The following CMTM4 variants were observed in gnomAD, a reference collection of about 807,000 sequenced individuals.
CMTM4 encodes the protein CKLF like MARVEL transmembrane domain containing 4, also known as CKLF-like MARVEL transmembrane domain-containing protein 4.
A neutral mutation model predicts 19.0 loss-of-function variants in CMTM4; 8 were observed. The observed-to-expected ratio is 0.42, with a 90% CI of 0.25 to 0.76. CMTM4 has a LOEUF of 0.76. Among genes scored for constraint, CMTM4 ranks in the 30% least tolerant of loss-of-function variants. The pLI, the probability that CMTM4 is intolerant of heterozygous loss-of-function variation, is 0.27. For missense variants in CMTM4, 228 were observed against 290.2 expected, an observed-to-expected ratio of 0.79 and a Z score of 1.56; for synonymous variants, 106 against 121.1, an observed-to-expected ratio of 0.88 and a Z score of 0.82.
Position 66,618,970 on chromosome 16 carries a change from A to G in CMTM4, c.*3088T>C. On this transcript the variant is annotated 3_prime_UTR_variant, in exon 4 of 4. Transcript: ENST00000394106. ...GCTCACATTGCCAAGGAAGATGTGT[A>G]TTGGGGCTGTGCAGGCTGCCACATT... 1 of 985,480 alleles carries G rather than the reference A, an allele frequency of 1.0e-6. No individual in the cohort carries two copies. Among genetic ancestry groups the G allele is most frequent in the Non-Finnish European group, 1.2e-6 (1 of 829,948 alleles). 61.0% of individuals were successfully genotyped at this position (985,480 alleles called of 1,614,324 possible).
chr16:66,631,259 G>A (rs1421816490), intron 2 of CMTM4, among the ~76,000 whole-genome samples: 1 of 151,182 alleles, frequency 6.6e-6, no homozygotes. Flanking sequence ...CAGGAGGGAG[G>A]TGGGGGGTCA....
chr16:66,694,577 G>A (rs2017196874), intron 1 of CMTM4, among the ~76,000 whole-genome samples: 1 of 151,986 alleles, frequency 6.6e-6, no homozygotes, highest in South Asian at 2.1e-4. Context: ...GCTGGGCGTG[G>A]TGGTGGGCGC....
At chr16:66,642,146 T>A (rs772290659) in intron 1 of CMTM4, among the ~76,000 whole-genome samples, 6 of 152,160 alleles carry the variant, frequency 3.9e-5, no homozygotes, top group Non-Finnish European at 5.9e-5. Context: ...TAATCACTGC[T>A]GAAATAAAAA....
At chr16:66,645,782 C>T (rs2016183397) in intron 1 of CMTM4, among the ~76,000 whole-genome samples, 1 of 152,010 alleles carries the variant, frequency 6.6e-6, no homozygotes, top group African/African-American at 2.4e-5. Context: ...AGTTCGAGAC[C>T]AGCCTGACCT....
intron 2 of CMTM4, among the ~76,000 whole-genome samples, chr16:66,627,748 T>C (rs991689132): frequency 4.7e-4 from 71 of 152,222 alleles, no homozygotes; most frequent in African/African-American, 1.7e-3. Flanking sequence ...GGCCTGCCCC[T>C]CCACACCAGT....
the CMTM4 span, among the ~76,000 whole-genome samples, chr16:66,607,669 C>T: frequency 6.6e-6 from 1 of 152,154 alleles, no homozygotes; most frequent in East Asian, 1.9e-4. Context: ...CTGGTTCCTG[C>T]CTCGCTTTGA....
At chr16:66,643,751 TTTATTA>T (rs914165599) in intron 1 of CMTM4, among the ~76,000 whole-genome samples, 12 of 152,000 alleles carry the variant, frequency 7.9e-5, no homozygotes, top group African/African-American at 2.9e-4. Flanking sequence ...ACTTCTTATT[TTTATTA>T]TTATTATTAT....
At chr16:66,651,288 T>A (rs1336987310) in intron 1 of CMTM4, among the ~76,000 whole-genome samples, 1 of 152,114 alleles carries the variant, frequency 6.6e-6, no homozygotes, top group African/African-American at 2.4e-5. Flanking sequence ...TTTAAGCCAC[T>A]CTTTATACAC....
chr16:66,683,109 TTGTGTGTGTG>T (rs540380218), intron 1 of CMTM4, among the ~76,000 whole-genome samples: 1 of 132,370 alleles, frequency 7.6e-6, no homozygotes, highest in African/African-American at 2.9e-5. Flanking sequence ...TAGAGTCTAG[TTGTGTGTGTG>T]TGTGTGTGTG....
At chr16:66,655,644 A>G (rs932872075) in intron 1 of CMTM4, among the ~76,000 whole-genome samples, 4 of 151,760 alleles carry the variant, frequency 2.6e-5, no homozygotes, top group African/African-American at 9.7e-5. Context: ...AAATACTACC[A>G]TTTTTCACTT....
intron 1 of CMTM4, among the ~76,000 whole-genome samples, chr16:66,669,398 A>G (rs1292148398): frequency 6.6e-6 from 1 of 151,972 alleles, no homozygotes; most frequent in East Asian, 1.9e-4. Context: ...TAGTGGCTAC[A>G]CGAATATATG....
intron 2 of CMTM4, among the ~76,000 whole-genome samples, chr16:66,624,310 G>T (rs2015694177): frequency 6.6e-6 from 1 of 152,214 alleles, no homozygotes; most frequent in South Asian, 2.1e-4. Context: ...ACTTTGGCAT[G>T]AGGCACCCAG....
chr16:66,625,782 T>C (rs1397740014), intron 2 of CMTM4, among the ~76,000 whole-genome samples: 2 of 152,228 alleles, frequency 1.3e-5, no homozygotes, highest in African/African-American at 2.4e-5. Context: ...CTAAATATAA[T>C]TGAGCTTCTA....
At chr16:66,604,447 C>G in the CMTM4 span, 2 of 183,774 alleles carry the variant, frequency 1.1e-5, no homozygotes, top group Non-Finnish European at 2.2e-5. Context: ...CCGGAGACAG[C>G]GAGTATAGAC....
chr16:66,674,977 A>G lies in CMTM4; in HGVS notation c.186+21363T>C, dbSNP rs1309535722. On this transcript the variant is annotated intron_variant, in intron 1 of 3. Coordinates refer to ENST00000394106, the MANE Select transcript of CMTM4 (RefSeq NM_181521.3). ...CGGCTGGTCTCAAACTCCTGACCTCAGGTGATCCACCCGCCTCGGCCTCCC... is the reference window on the plus strand; with the variant it reads ...CGGCTGGTCTCAAACTCCTGACCTCGGGTGATCCACCCGCCTCGGCCTCCC... 6.6e-5 allele frequency among the ~76,000 whole-genome samples: 10 copies of G among 152,128 alleles called. No individual in the cohort carries two copies. The South Asian group carries it at 1.0e-3, about 16-fold the overall frequency.
intron 2 of CMTM4, among the ~76,000 whole-genome samples, chr16:66,631,243 C>CCCGT (rs2015860387): frequency 6.6e-6 from 1 of 150,530 alleles, no homozygotes; most frequent in South Asian, 2.1e-4. Context: ...GGCCAGCCGC[C>CCCGT]CCGTCCAGGA....
chr16:66,623,565 C>T, intron 2 of CMTM4, 63 bp from the exon 3 acceptor site: 1 of 1,238,586 alleles, frequency 8.1e-7, no homozygotes, highest in East Asian at 2.4e-5. Flanking sequence ...CTAAAAGCAA[C>T]TGGAGAACTT....
At chr16:66,692,921 AT>A in intron 1 of CMTM4, among the ~76,000 whole-genome samples, 1 of 151,136 alleles carries the variant, frequency 6.6e-6, no homozygotes, top group Non-Finnish European at 1.5e-5. Flanking sequence ...AAAAAAAAAA[AT>A]CTAAAAAAAC....
chr16:66,656,990 A>T (rs1235971125), intron 1 of CMTM4, among the ~76,000 whole-genome samples: 1 of 152,132 alleles, frequency 6.6e-6, no homozygotes, highest in African/African-American at 2.4e-5. Flanking sequence ...ATGATCTAGG[A>T]TTTTCATTTA....
Sources: gnomAD v4.1 joint callset for allele counts (sites outside exome capture counted in the v4.1 genomes callset) on GRCh38, gnomAD v4.1.1 for gene constraint, MANE v1.5 for transcripts, NCBI Gene and HGNC (gene_info 2026-07-23, HGNC 2026-07-21) for gene names.